Variants in HECW1 observed in about 807,000 individuals in gnomAD.
HECW1 encodes the protein E3 ubiquitin-protein ligase HECW1.
A neutral mutation model predicts 182.3 loss-of-function variants in HECW1; 61 were observed. The observed-to-expected ratio is 0.33, with a 90% confidence interval of 0.27 to 0.41. The LOEUF (loss-of-function observed/expected upper bound fraction) is 0.41. Ranked by LOEUF, HECW1 falls within the 10% of genes least tolerant of loss-of-function variation. The pLI is 1.00. For synonymous variants in HECW1, 859 were observed against 832.6 expected (o/e 1.03, Z -0.55); for missense variants, 1,739 against 2,108.9 (o/e 0.82, Z 3.44).
At chr7:43,453,744 C>G (rs1313557144) in intron 12 of HECW1, among the ~76,000 whole-genome samples, 2 of 152,126 alleles carry the variant, frequency 1.3e-5, no homozygotes, top group Non-Finnish European at 2.9e-5. Flanking sequence ...ATGAATTGAC[C>G]TGACCTGCAC....
At chr7:43,253,713 C>CTGG (rs1013984060) in intron 3 of HECW1, among the ~76,000 whole-genome samples, 2 of 152,144 alleles carry the variant, frequency 1.3e-5, no homozygotes, top group African/African-American at 4.8e-5. Context: ...CAAGACCAGC[C>CTGG]TGGCCAATAT....
intron 24 of HECW1, among the ~76,000 whole-genome samples, chr7:43,520,163 A>G (rs1196737819): frequency 1.3e-5 from 2 of 152,210 alleles, no homozygotes; most frequent in Non-Finnish European, 2.9e-5. Flanking sequence ...GCTGGGTTCT[A>G]CAAACTGTTC....
chr7:43,278,812 T>G (rs1803514933), intron 3 of HECW1, among the ~76,000 whole-genome samples: 1 of 152,112 alleles, frequency 6.6e-6, no homozygotes, highest in Non-Finnish European at 1.5e-5. Flanking sequence ...CATTTACAAT[T>G]GCAACCACCC....
intron 3 of HECW1, among the ~76,000 whole-genome samples, chr7:43,281,340 G>A (rs1174862117): frequency 6.6e-6 from 1 of 152,198 alleles, no homozygotes; most frequent in African/African-American, 2.4e-5. Flanking sequence ...TCCACAGCTG[G>A]TGTCCAACAA....
intron 2 of HECW1, among the ~76,000 whole-genome samples, chr7:43,144,757 T>G (rs1159726996): frequency 6.6e-6 from 1 of 152,180 alleles, no homozygotes; most frequent in Non-Finnish European, 1.5e-5. Flanking sequence ...GTATATTTCT[T>G]GTTTTAGTCC....
At chr7:43,501,760 G>A (rs1229344202) in intron 21 of HECW1, among the ~76,000 whole-genome samples, 1 of 152,028 alleles carries the variant, frequency 6.6e-6, no homozygotes, top group African/African-American at 2.4e-5. Context: ...GAGCCCAGCA[G>A]GTTGAGGCTG....
At chr7:43,500,003 C>A (rs187220369) in intron 19 of HECW1, among the ~76,000 whole-genome samples, 1 of 152,160 alleles carries the variant, frequency 6.6e-6, no homozygotes, top group African/African-American at 2.4e-5. Context: ...AATGTGGCAT[C>A]ATAAATTTTC....
intron 5 of HECW1, among the ~76,000 whole-genome samples, chr7:43,337,960 A>G (rs1170409325): frequency 1.3e-5 from 2 of 152,350 alleles, no homozygotes; most frequent in Non-Finnish European, 2.9e-5. Flanking sequence ...AATATGCACC[A>G]TGCCAGATGG....
At chr7:43,557,638 A>G (rs2152963758) in intron 29 of HECW1, among the ~76,000 whole-genome samples, 1 of 152,356 alleles carries the variant, frequency 6.6e-6, no homozygotes, top group South Asian at 2.1e-4. Context: ...AGACTTCAGC[A>G]AAGTGCCAGA....
intron 3 of HECW1, among the ~76,000 whole-genome samples, chr7:43,285,020 G>A (rs990102322): frequency 7.0e-6 from 1 of 142,832 alleles, no homozygotes. Context: ...TTGCTTTAAG[G>A]TTCTCATATT....
Position 43,445,053 on chromosome 7 carries a change from G to A in HECW1, c.1881G>A (p.Thr627=), listed in dbSNP as rs773284429. 5.7e-6 allele frequency: 9 copies of A among 1,580,572 alleles called. No individual in the cohort carries two copies. Among genetic ancestry groups the A allele is most frequent in the Admixed American group, 1.7e-5 (1 of 58,128 alleles). The change falls in exon 11 of 30, where the codon ACG becomes ACA. Residue 627 remains threonine (T), a synonymous_variant. Transcript: ENST00000395891. ...AGCCCGAGGGGGCTACTCCAGGCAC[G>A]GCGCACCCTGGCCACTCCGGGGGCC... ...REEPEGATPG[T]AHPGHSGGHF...
chr7:43,344,867 T>C (rs1414779243), intron 5 of HECW1, among the ~76,000 whole-genome samples: 1 of 152,246 alleles, frequency 6.6e-6, no homozygotes, highest in African/African-American at 2.4e-5. Flanking sequence ...AATTTCTGTT[T>C]GGTTCATTTT....
Position 43,541,920 on chromosome 7 carries a change from T to A in HECW1, c.4170T>A (p.Ser1390Arg). ...LEYLDEEFHQ[S>R]LQWMKDNNIT... ...ATTTGGATGAGGAATTCCACCAGAG[T>A]TTGCAGTGGATGAAGGACAACAACA... Residue 1390 changes from serine (S) to arginine (R), a missense_variant, in exon 26 of 30, where the codon AGT becomes AGA. By Grantham distance (110) the Ser-to-Arg change is moderately radical. This residue lies in a region of HECW1 where 420 missense variants were observed against 595.7 expected (regional missense o/e 0.71). Transcript: ENST00000395891. 1 of 1,559,228 alleles carries A rather than the reference T, an allele frequency of 6.4e-7. No homozygotes were observed. Among genetic ancestry groups the A allele is most frequent in the Non-Finnish European group, 8.7e-7 (1 of 1,152,538 alleles).
intron 2 of HECW1, among the ~76,000 whole-genome samples, chr7:43,200,113 T>A (rs187265660): frequency 6.6e-6 from 1 of 152,334 alleles, no homozygotes; most frequent in East Asian, 1.9e-4. Flanking sequence ...CTCTATTTTT[T>A]AAAAGTACTA....
chr7:43,137,331 C>G (rs925687972), intron 2 of HECW1, among the ~76,000 whole-genome samples: 3 of 152,132 alleles, frequency 2.0e-5, no homozygotes, highest in African/African-American at 7.2e-5. Flanking sequence ...ATCTGCAGCT[C>G]AGGTTCCAAG....
intron 22 of HECW1, 61 bp downstream of exon 22, chr7:43,507,318 C>T: frequency 3.3e-6 from 5 of 1,529,840 alleles, no homozygotes; most frequent in Admixed American, 1.8e-5. Context: ...CCTTTCTCCC[C>T]TACACCCTTG....
rs376772391 is a variant in HECW1 at position 43,445,286 on chromosome 7, C to G, written c.2114C>G (p.Pro705Arg). Residue 705 changes from proline (P) to arginine (R), a missense_variant, in exon 11 of 30, where the codon CCC becomes CGC. Transcript: ENST00000395891. ...TGCTACAGCGCCTCGTGCTACAGCC[C>G]CTCCTGCTACAACGGCAACAGGTTC... ...SSCYSASCYS[P>R]SCYNGNRFAS... 5.6e-6 allele frequency: 9 copies of G among 1,612,860 alleles called. No homozygotes were observed. Among genetic ancestry groups the G allele is most frequent in the Non-Finnish European group, 7.6e-6 (9 of 1,179,218 alleles).
rs545212522 is a variant in HECW1, at chr7:43,563,147, A to G, written c.*1221A>G. 3.0e-3 allele frequency: 615 copies of G among 203,010 alleles called. 1 individual carries two copies. The highest frequency in any genetic ancestry group is 0.015 in the Middle Eastern group (9 of 598). The allele number at this position is 203,010 out of a possible 1,614,324, so 12.6% of individuals were successfully genotyped here. A position where few individuals can be genotyped will look rare whatever the true frequency, so the allele number is the denominator to read the frequency against. ...GCAACATAGTACTTCTCCTTCACCC[A>G]TAGTAATCCTCCTGGGGCAGAAACA... On this transcript the variant is annotated 3_prime_UTR_variant, in exon 30 of 30. Coordinates refer to ENST00000395891, the MANE Select transcript of HECW1 (RefSeq NM_015052.5).
At chr7:43,529,309 C>T (rs1220235857) in intron 24 of HECW1, among the ~76,000 whole-genome samples, 1 of 152,134 alleles carries the variant, frequency 6.6e-6, no homozygotes, top group Non-Finnish European at 1.5e-5. Context: ...CCCTGCACAC[C>T]CAATTCCCTC....
Sources: allele counts gnomAD v4.1 joint callset (sites outside exome capture counted in the v4.1 genomes callset), GRCh38; gene constraint gnomAD v4.1.1; regional missense constraint gnomAD v4.1.1; transcripts MANE v1.5; gene names NCBI Gene and HGNC (gene_info 2026-07-23, HGNC 2026-07-21).